The following DCHS2 variants were observed in gnomAD, a reference collection of about 807,000 sequenced individuals.
DCHS2 encodes dachsous cadherin-related 2, also known as protocadherin-23.
Under a neutral mutation model 182.4 loss-of-function variants are expected in DCHS2, and 142 were observed. That is an observed-to-expected ratio of 0.78 (90% CI 0.68 to 0.89). The LOEUF (loss-of-function observed/expected upper bound fraction) is 0.89, where lower values mean the gene tolerates loss of function less well. Among genes scored for constraint, DCHS2 ranks in the 40% least tolerant of loss-of-function variants. DCHS2 has a pLI of 0.00. For missense variants in DCHS2, 4,319 were observed against 4,198.6 expected, an observed-to-expected ratio of 1.03 and a Z score of -0.79; for synonymous variants, 1,740 against 1,663.3, an observed-to-expected ratio of 1.05 and a Z score of -1.12.
intron 1 of DCHS2, among the ~76,000 whole-genome samples, chr4:154,446,034 A>T (rs1444127542): frequency 1.3e-5 from 2 of 152,212 alleles, no homozygotes; most frequent in Admixed American, 6.5e-5. Context: ...AGAACTTTTT[A>T]AAATAATTTC....
chr4:154,320,278 A>C (rs1226281795), intron 9 of DCHS2, 101 bp downstream of exon 9: 1 of 1,491,044 alleles, frequency 6.7e-7, no homozygotes, highest in East Asian at 2.3e-5. Flanking sequence ...AGTCAACAAC[A>C]ATGTATTGTA....
chr4:154,259,099 T>A (rs1732845092), intron 15 of DCHS2, among the ~76,000 whole-genome samples: 1 of 152,138 alleles, frequency 6.6e-6, no homozygotes, highest in Admixed American at 6.5e-5. Context: ...GGCCTTTTAC[T>A]GAGATGGGGC....
chr4:154,344,744 G>T (rs1729278246), intron 3 of DCHS2, among the ~76,000 whole-genome samples: 1 of 152,198 alleles, frequency 6.6e-6, no homozygotes, highest in South Asian at 2.1e-4. Flanking sequence ...GTGCCGCAGG[G>T]CTAGCGTCCA....
Position 154,235,187 on chromosome 4 carries a change from G to T in DCHS2, c.9465C>A (p.Ala3155=), listed in dbSNP as rs568618708. 6.2e-7 allele frequency: 1 copy of T among 1,613,820 alleles called. No homozygotes were observed. The highest frequency in any genetic ancestry group is 1.3e-5 in the African/African-American group (1 of 74,876). ...ATGTTTGGCTGGCTTCTGCTGTTTC[G>T]GCAGTCACCATCACATCAGTTTCCC... ...LSGETDVMVT[A]ETAEASQTFG... Residue 3155 remains alanine, a synonymous_variant, in exon 20 of 20, where the codon GCC becomes GCA. Transcript: ENST00000357232.
intron 16 of DCHS2, among the ~76,000 whole-genome samples, chr4:154,244,510 T>C (rs748069212): frequency 1.2e-4 from 19 of 152,234 alleles, no homozygotes; most frequent in Non-Finnish European, 2.5e-4. Flanking sequence ...TAGTCTCAGC[T>C]AGTTGTGGGA....
chr4:154,439,698 A>G (rs1346457286), intron 1 of DCHS2, among the ~76,000 whole-genome samples: 12 of 152,134 alleles, frequency 7.9e-5, no homozygotes, highest in Admixed American at 7.9e-4. Flanking sequence ...GAATTTTTTC[A>G]TTTTATATAG....
intron 1 of DCHS2, among the ~76,000 whole-genome samples, chr4:154,478,080 C>A (rs142104112): frequency 0.012 from 1,755 of 152,270 alleles, 9 homozygotes; most frequent in Middle Eastern, 0.027. Flanking sequence ...AAACTGTTAG[C>A]ATTTACTACT....
At chr4:154,345,788 A>G (rs1561058118) in intron 3 of DCHS2, among the ~76,000 whole-genome samples, 1 of 152,260 alleles carries the variant, frequency 6.6e-6, no homozygotes. Context: ...TATTTGTTGA[A>G]TTAATTAACA....
rs141377432 is a variant in DCHS2, at chr4:154,428,601, T to A, written c.2053-51157A>T. 5.2e-3 allele frequency among the ~76,000 whole-genome samples: 797 copies of A among 151,824 alleles called. 3 individuals are homozygous for A. The highest frequency in any genetic ancestry group is 9.1e-3 in the Non-Finnish European group (617 of 67,882). On this transcript the variant is annotated intron_variant, in intron 1 of 19. Transcript: ENST00000357232. ...CTGCTGAGGTTTGGTAAATATGTGG[T>A]TGTTGAGGCCAATGAAAATGAAAAA...
In DCHS2 at chr4:154,232,238, G is replaced by T. The variant is rs150625650; in HGVS notation, c.*2298C>A. Reference sequence around the variant, plus strand: ...TTATATTGTTTACTTAGGAAAAAAAGCACTCTAGTTGAAAGAGCTGACATA... The same window carrying T: ...TTATATTGTTTACTTAGGAAAAAAATCACTCTAGTTGAAAGAGCTGACATA... On this transcript the variant is annotated 3_prime_UTR_variant, in exon 20 of 20. Coordinates refer to ENST00000357232, the MANE Select transcript of DCHS2 (RefSeq NM_001358235.2). The T allele has an allele frequency of 5.5e-4, 84 of 152,218 alleles. 1 individual carries two copies. The highest frequency in any genetic ancestry group is 2.6e-3 in the Admixed American group (40 of 15,254). The allele number at this position is 152,218 out of a possible 1,614,324, so 9.4% of individuals were successfully genotyped here. A position where few individuals can be genotyped will look rare whatever the true frequency, so the allele number is the denominator to read the frequency against.
chr4:154,232,087 T>TAATA lies in DCHS2; in HGVS notation c.*2445_*2448dup. The TAATA allele has an allele frequency of 6.6e-6, 1 of 152,258 alleles. No individual in the cohort carries two copies. The highest frequency in any genetic ancestry group is 3.4e-3 in the Middle Eastern group (1 of 294). 9.4% of individuals were successfully genotyped at this position (152,258 alleles called of 1,614,324 possible). On this transcript the variant is annotated 3_prime_UTR_variant, in exon 20 of 20. Coordinates refer to ENST00000357232, the MANE Select transcript of DCHS2 (RefSeq NM_001358235.2). ...TTTTATAGCTTATGAATTTGGGGCT[T>TAATA]AATATGATTTTCCACTAACAAGTTC... is the stretch of plus-strand genomic sequence containing the variant.
chr4:154,335,109 G>A lies in DCHS2; in HGVS notation c.2477-5C>T. The A allele has an allele frequency of 1.3e-6, 2 of 1,561,062 alleles. No homozygotes were observed. The highest frequency in any genetic ancestry group is 1.8e-6 in the Non-Finnish European group (2 of 1,131,812). On this transcript the variant is annotated splice_region_variant and splice_polypyrimidine_tract_variant and intron_variant, in intron 3 of 19. Coordinates refer to ENST00000357232, the MANE Select transcript of DCHS2 (RefSeq NM_001358235.2). ...GTAATGTTAAGTAAATAATTCCTGGGTAGGGAAAAGAAAACATTGGTAAAC... is the reference window on the plus strand; with the variant it reads ...GTAATGTTAAGTAAATAATTCCTGGATAGGGAAAAGAAAACATTGGTAAAC...
intron 13 of DCHS2, among the ~76,000 whole-genome samples, chr4:154,271,609 C>G (rs545993810): frequency 6.0e-4 from 92 of 152,250 alleles, no homozygotes; most frequent in Middle Eastern, 3.4e-3. Flanking sequence ...CCGGAAGGGT[C>G]CCAAGTATTC....
chr4:154,420,848 T>G (rs1733082694), intron 1 of DCHS2, among the ~76,000 whole-genome samples: 1 of 152,126 alleles, frequency 6.6e-6, no homozygotes, highest in South Asian at 2.1e-4. Context: ...CACACCCTCA[T>G]AGTAGGACAA....
intron 1 of DCHS2, among the ~76,000 whole-genome samples, chr4:154,426,380 C>T (rs1304183778): frequency 6.6e-6 from 1 of 152,140 alleles, no homozygotes; most frequent in Non-Finnish European, 1.5e-5. Context: ...TCTTTAAAGT[C>T]ACCTGTTTTC....
At chr4:154,455,746 G>GGCTCAA (rs1407826781) in intron 1 of DCHS2, among the ~76,000 whole-genome samples, 18 of 152,184 alleles carry the variant, frequency 1.2e-4, no homozygotes, top group Non-Finnish European at 1.6e-4. Flanking sequence ...TCAATAAAGT[G>GGCTCAA]TTTCTTGGCC....
At chr4:154,431,598 C>T (rs1014308684) in intron 1 of DCHS2, among the ~76,000 whole-genome samples, 5 of 152,016 alleles carry the variant, frequency 3.3e-5, no homozygotes, top group South Asian at 2.1e-4. Context: ...TATATTTTCT[C>T]GGAATTCTCT....
chr4:154,315,408 C>A (rs938654270), intron 10 of DCHS2, among the ~76,000 whole-genome samples: 2 of 152,156 alleles, frequency 1.3e-5, no homozygotes, highest in Non-Finnish European at 2.9e-5. Flanking sequence ...TTATCTTCTT[C>A]TTCTTCTCAA....
chr4:154,379,983 T>C (rs1731095399), intron 1 of DCHS2, among the ~76,000 whole-genome samples: 1 of 152,126 alleles, frequency 6.6e-6, no homozygotes, highest in African/African-American at 2.4e-5. Context: ...GGGTTTCTAC[T>C]TTCATTTAAT....
Sources: allele counts gnomAD v4.1 joint callset (sites outside exome capture counted in the v4.1 genomes callset), GRCh38; gene constraint gnomAD v4.1.1; transcripts MANE v1.5; gene names NCBI Gene and HGNC (gene_info 2026-07-23, HGNC 2026-07-21).